The following EML1 variants were observed in gnomAD, a reference collection of about 807,000 sequenced individuals.
EML1 encodes the protein echinoderm microtubule-associated protein-like 1.
In EML1, 27 loss-of-function variants were observed where a neutral mutation model predicts 110.4. That is an observed-to-expected ratio of 0.24 (90% CI 0.18 to 0.34). The LOEUF is 0.34. Ranked by LOEUF, EML1 falls within the 10% of genes least tolerant of loss-of-function variation. The pLI is 1.00. For synonymous variants in EML1, 344 were observed against 385.8 expected, an observed-to-expected ratio of 0.89 and a Z score of 1.27; for missense variants, 741 against 1,030.9, an observed-to-expected ratio of 0.72 and a Z score of 3.85.
chr14:99,754,987 C>G (rs11625037), intron 1 of EML1, among the ~76,000 whole-genome samples: 24,890 of 152,272 alleles, frequency 0.16, 2,077 homozygotes, highest in South Asian at 0.26. Flanking sequence ...GCTGTAATCC[C>G]GCTAATGGTT....
At chr14:99,819,208 G>A (rs78909914) in intron 1 of EML1, among the ~76,000 whole-genome samples, 4,777 of 152,140 alleles carry the variant, frequency 0.031, 135 homozygotes, top group African/African-American at 0.068. Flanking sequence ...TTTCACCTTG[G>A]CCTCCCAAGG....
At chr14:99,877,975 C>T (rs764471274) in intron 3 of EML1, among the ~76,000 whole-genome samples, 2 of 152,152 alleles carry the variant, frequency 1.3e-5, no homozygotes, top group African/African-American at 2.4e-5. Context: ...GGCCCATGGG[C>T]CTTGTGTGGC....
At chr14:99,881,732 C>T (rs2059387793) in intron 4 of EML1, among the ~76,000 whole-genome samples, 2 of 151,962 alleles carry the variant, frequency 1.3e-5, no homozygotes, top group Non-Finnish European at 1.5e-5. Flanking sequence ...TCCCGAGAAG[C>T]TGGGACTACA....
intron 1 of EML1, among the ~76,000 whole-genome samples, chr14:99,754,178 T>C (rs28485894): frequency 0.03 from 4,500 of 152,374 alleles, 220 homozygotes; most frequent in African/African-American, 0.098. Flanking sequence ...TGGCCTTTGT[T>C]GGACCCCTGG....
chr14:99,797,131 C>A (rs1358894752), intron 1 of EML1, among the ~76,000 whole-genome samples: 1 of 152,146 alleles, frequency 6.6e-6, no homozygotes, highest in Non-Finnish European at 1.5e-5. Flanking sequence ...CGCCCTCACC[C>A]CTGGCAACCA....
chr14:99,771,101 T>C (rs949971852), upstream of EML1, among the ~76,000 whole-genome samples: 1 of 152,174 alleles, frequency 6.6e-6, no homozygotes, highest in Non-Finnish European at 1.5e-5. Flanking sequence ...GATATTATAA[T>C]GATCAGTATC....
At chr14:99,912,905 C>G (rs952194275) in intron 13 of EML1, among the ~76,000 whole-genome samples, 2 of 152,216 alleles carry the variant, frequency 1.3e-5, no homozygotes, top group African/African-American at 4.8e-5. Context: ...ACATGCCACA[C>G]TGGAGAATGT....
At chr14:99,769,474 C>G (rs1232801331), upstream of EML1, among the ~76,000 whole-genome samples, 2 of 152,188 alleles carry the variant, frequency 1.3e-5, no homozygotes, top group African/African-American at 4.8e-5. Context: ...CCACAGTGGG[C>G]AGGGACGCAA....
chr14:99,929,238 C>G (rs1349506669), intron 17 of EML1, among the ~76,000 whole-genome samples: 1 of 152,176 alleles, frequency 6.6e-6, no homozygotes, highest in Non-Finnish European at 1.5e-5. Flanking sequence ...CCGGGCCAAC[C>G]GCATTTGAAT....
intron 17 of EML1, among the ~76,000 whole-genome samples, chr14:99,933,745 A>G (rs2060416169): frequency 6.6e-6 from 1 of 152,222 alleles, no homozygotes; most frequent in South Asian, 2.1e-4. Context: ...CGAAAATTAA[A>G]TAAGTTAACA....
chr14:99,799,524 G>A (rs930723711), intron 1 of EML1, among the ~76,000 whole-genome samples: 2 of 152,178 alleles, frequency 1.3e-5, no homozygotes, highest in Admixed American at 6.5e-5. Context: ...TAGCAAAATC[G>A]GAGGAAAACG....
intron 17 of EML1, among the ~76,000 whole-genome samples, chr14:99,925,977 C>T (rs34269821): frequency 0.32 from 48,921 of 151,964 alleles, 9,728 homozygotes; most frequent in Non-Finnish European, 0.44. Flanking sequence ...TTACCACAGC[C>T]GCGTGGTCCT....
chr14:99,795,592 G>A (rs1260971615), intron 1 of EML1, among the ~76,000 whole-genome samples: 1 of 152,170 alleles, frequency 6.6e-6, no homozygotes, highest in East Asian at 1.9e-4. Context: ...CTTTCATTAA[G>A]TGAAGATATA....
chr14:99,747,358 G>A (rs961085584), intron 1 of EML1, among the ~76,000 whole-genome samples: 1 of 152,088 alleles, frequency 6.6e-6, no homozygotes, highest in African/African-American at 2.4e-5. Context: ...AGGCAGGCCC[G>A]GGGTGGCACA....
chr14:99,759,716 C>T (rs1248184087), intron 1 of EML1, among the ~76,000 whole-genome samples: 2 of 152,230 alleles, frequency 1.3e-5, no homozygotes, highest in Non-Finnish European at 2.9e-5. Flanking sequence ...CAGTTCCTGT[C>T]TCCAGCCTGT....
intron 2 of EML1, 81 bp from the exon 3 acceptor site, chr14:99,865,433 C>G: frequency 6.5e-7 from 1 of 1,548,622 alleles, no homozygotes. Context: ...ATCTTCCTAA[C>G]AGGCAGTTGA....
chr14:99,739,807 C>A (rs982782870), intron 1 of EML1, among the ~76,000 whole-genome samples: 1 of 152,138 alleles, frequency 6.6e-6, no homozygotes, highest in Non-Finnish European at 1.5e-5. Context: ...CGGCAGCAAC[C>A]AGTGGTTGCT....
chr14:99,847,890 T>G (rs1423749468), intron 1 of EML1, among the ~76,000 whole-genome samples: 5 of 152,156 alleles, frequency 3.3e-5, no homozygotes, highest in Admixed American at 6.5e-5. Flanking sequence ...TCTGTGTCTT[T>G]GTATTTAAAG....
chr14:99,845,367 TG>T (rs1458712613), intron 1 of EML1, among the ~76,000 whole-genome samples: 7 of 152,224 alleles, frequency 4.6e-5, no homozygotes, highest in African/African-American at 1.7e-4. Context: ...TTTTTAAAAT[TG>T]GATTGTTTTC....
Sources: gnomAD v4.1 joint callset for allele counts (sites outside exome capture counted in the v4.1 genomes callset) on GRCh38, gnomAD v4.1.1 for gene constraint, MANE v1.5 for transcripts, NCBI Gene and HGNC (gene_info 2026-07-23, HGNC 2026-07-21) for gene names.